Variants in C11orf65 observed in about 807,000 individuals in gnomAD.
C11orf65 encodes protein MFI.
Under a neutral mutation model 35.3 loss-of-function variants are expected in C11orf65, and 38 were observed. That is an observed-to-expected ratio of 1.08 (90% CI 0.83 to 1.41). C11orf65 has a LOEUF of 1.41. Among genes scored for constraint, C11orf65 ranks in the 40% most tolerant of loss-of-function variants. The pLI is 0.00. For missense variants in C11orf65, 370 were observed against 367.1 expected, an observed-to-expected ratio of 1.01 and a Z score of -0.06; for synonymous variants, 105 against 114.4, an observed-to-expected ratio of 0.92 and a Z score of 0.53.
chr11:108,405,710 G>A (rs2092528646), intron 5 of C11orf65, 151 bp from the exon 6 acceptor site: 7 of 791,662 alleles, frequency 8.8e-6, no homozygotes, highest in African/African-American at 3.5e-5. Context: ...TTCTAATTAA[G>A]TGATGGGTGA....
intron 2 of C11orf65, among the ~76,000 whole-genome samples, chr11:108,460,095 C>T (rs1025367745): frequency 6.6e-6 from 1 of 151,986 alleles, no homozygotes; most frequent in Non-Finnish European, 1.5e-5. Context: ...ATAGTGAGAT[C>T]CCTGTATCTT....
At chr11:108,429,064 T>C (rs1285274369) in intron 3 of C11orf65, among the ~76,000 whole-genome samples, 4 of 152,024 alleles carry the variant, frequency 2.6e-5, no homozygotes, top group Non-Finnish European at 4.4e-5. Context: ...GGAGGATCGC[T>C]TGGGCCCAGG....
intron 2 of C11orf65, among the ~76,000 whole-genome samples, chr11:108,460,151 C>T (rs11212654): frequency 0.011 from 1,741 of 152,160 alleles, 26 homozygotes; most frequent in African/African-American, 0.038. Context: ...CATAGTTATA[C>T]CCCAGCATAG....
downstream of C11orf65, chr11:108,330,557 T>C: frequency 2.2e-6 from 2 of 907,800 alleles, no homozygotes; most frequent in East Asian, 2.5e-5. Flanking sequence ...TAGCATTTTG[T>C]AGTTTTCTAA....
intron 8 of C11orf65, 56 bp from the exon 9 acceptor site, chr11:108,383,231 C>A (rs2091905281): frequency 1.5e-6 from 2 of 1,356,864 alleles, no homozygotes; most frequent in Non-Finnish European, 2.0e-6. Flanking sequence ...GATGCTCACT[C>A]AAAATGCTAC....
intron 2 of C11orf65, chr11:108,355,152 T>G (rs577843785): frequency 9.2e-5 from 40 of 435,602 alleles, no homozygotes; most frequent in Non-Finnish European, 1.6e-4. Flanking sequence ...ATTTAGATAT[T>G]CCATATGGTA....
rs1346283018 is a variant in C11orf65, at chr11:108,387,552, A to C, written c.732-1577T>G. ...TTTAATACTTATTTTTATGGAGACA[A>C]GGTCTCGCTCTGTCTCCCAGGCTGC... On this transcript the variant is annotated intron_variant, in intron 7 of 8. Coordinates refer to ENST00000393084, the MANE Select transcript of C11orf65 (RefSeq NM_152587.5). 2.0e-5 allele frequency among the ~76,000 whole-genome samples: 3 copies of C among 152,224 alleles called. No individual in the cohort carries two copies. In the East Asian group the frequency reaches 5.8e-4, roughly 29 times the overall value.
intron 2 of C11orf65, among the ~76,000 whole-genome samples, chr11:108,446,208 G>C (rs1364205116): frequency 3.3e-5 from 5 of 151,988 alleles, no homozygotes; most frequent in Non-Finnish European, 7.4e-5. Flanking sequence ...AAAACACTCT[G>C]CAGGATATTA....
chr11:108,456,198 T>A (rs538131234), intron 2 of C11orf65, among the ~76,000 whole-genome samples: 33 of 152,010 alleles, frequency 2.2e-4, no homozygotes, highest in African/African-American at 8.0e-4. Context: ...TGCAACAGAA[T>A]AGACACTATA....
intron 2 of C11orf65, chr11:108,365,353 G>T (rs876658767): frequency 6.2e-7 from 1 of 1,614,178 alleles, no homozygotes; most frequent in Non-Finnish European, 8.5e-7. Context: ...CAACAAAGTA[G>T]CTGAACGTGT....
chr11:108,442,529 T>A (rs1419106884), intron 2 of C11orf65, among the ~76,000 whole-genome samples: 2 of 152,148 alleles, frequency 1.3e-5, no homozygotes, highest in African/African-American at 4.8e-5. Context: ...ATTGTCAGAT[T>A]CACCAAAGTT....
intron 2 of C11orf65, among the ~76,000 whole-genome samples, chr11:108,435,114 GA>G (rs1401424502): frequency 6.6e-6 from 1 of 152,216 alleles, no homozygotes. Context: ...TTAAGTGGTA[GA>G]AATGGAAGTG....
rs76871047 is a variant in C11orf65, at chr11:108,434,934, G to A, written c.82-3096C>T. On this transcript the variant is annotated intron_variant, in intron 2 of 8. Transcript: ENST00000393084. Reference sequence around the variant, plus strand: ...ATCTTACCTTGTTCCCAATCACCCTGAAGTAACTGGCCTGATAGAATAGTG... The same window carrying A: ...ATCTTACCTTGTTCCCAATCACCCTAAAGTAACTGGCCTGATAGAATAGTG... Among the ~76,000 whole-genome samples the A allele has an allele frequency of 2.8e-3, 419 of 152,268 alleles. 1 individual carries two copies. The highest frequency in any genetic ancestry group is 9.8e-3 in the African/African-American group (406 of 41,558).
intron 3 of C11orf65, among the ~76,000 whole-genome samples, chr11:108,430,325 G>C (rs1014609293): frequency 7.0e-6 from 1 of 143,146 alleles, no homozygotes; most frequent in Non-Finnish European, 1.5e-5. Flanking sequence ...ATTTTTAGTA[G>C]AGACAGGGTT....
At chr11:108,343,639 A>C (rs915910259) in intron 2 of C11orf65, among the ~76,000 whole-genome samples, 4 of 152,164 alleles carry the variant, frequency 2.6e-5, no homozygotes, top group Admixed American at 2.6e-4. Context: ...GGGATAAACT[A>C]ATTCTTAGCA....
chr11:108,461,570 TAAAAGA>T lies in C11orf65; in HGVS notation c.-9-8_-9-3del. The T allele has an allele frequency of 6.4e-7, 1 of 1,553,280 alleles. No homozygotes were observed. Among genetic ancestry groups the T allele is most frequent in the Non-Finnish European group, 8.8e-7 (1 of 1,134,918 alleles). The stretch of plus-strand genomic sequence containing the variant: ...CTCTTTCCAAGGCATTTGAAATTCC[TAAAAGA>T]AAATGAGCAAAAAGGGTACATTTAA... On this transcript the variant is annotated splice_region_variant and splice_polypyrimidine_tract_variant and intron_variant, in intron 1 of 8. Coordinates refer to ENST00000393084, the MANE Select transcript of C11orf65 (RefSeq NM_152587.5).
chr11:108,405,324 A>G, intron 6 of C11orf65, 105 bp downstream of exon 6: 1 of 1,158,230 alleles, frequency 8.6e-7, no homozygotes, highest in South Asian at 1.6e-5. Context: ...CTGCGGGCAG[A>G]CCCCCTGCAG....
intron 2 of C11orf65, among the ~76,000 whole-genome samples, chr11:108,437,487 T>G (rs1184613745): frequency 1.3e-5 from 2 of 151,718 alleles, no homozygotes; most frequent in East Asian, 3.9e-4. Flanking sequence ...GGGCAGATCA[T>G]GAGGTCAAGA....
intron 2 of C11orf65, chr11:108,367,094 TCTC>T (rs1448227502): frequency 3.3e-5 from 6 of 180,650 alleles, no homozygotes; most frequent in Non-Finnish European, 3.5e-5. Flanking sequence ...TTCAAGCAAT[TCTC>T]CTGCCTCAGC....
Sources: allele counts gnomAD v4.1 joint callset (sites outside exome capture counted in the v4.1 genomes callset), GRCh38; gene constraint gnomAD v4.1.1; transcripts MANE v1.5; gene names NCBI Gene and HGNC (gene_info 2026-07-23, HGNC 2026-07-21).